The following PATL2 variants were observed in gnomAD, a reference collection of about 807,000 sequenced individuals.
PATL2 encodes protein PAT1 homolog 2.
In PATL2, 73 loss-of-function variants were observed where a neutral mutation model predicts 77.0. The ratio of observed to expected loss-of-function variants is 0.95; its 90% CI spans 0.78 to 1.15. The LOEUF (loss-of-function observed/expected upper bound fraction) is 1.15, where lower values mean the gene tolerates loss of function less well. Ranked by LOEUF, PATL2 falls within the 50% of genes most tolerant of loss-of-function variation. The pLI is 0.00. For synonymous variants in PATL2, 265 were observed against 257.1 expected (o/e 1.03, Z -0.29); for missense variants, 618 against 655.4 (o/e 0.94, Z 0.62).
chr15:44,702,164 T>TA (rs1375767435), intron 3 of PATL2, among the ~76,000 whole-genome samples: 1 of 152,148 alleles, frequency 6.6e-6, no homozygotes, highest in Non-Finnish European at 1.5e-5. Context: ...TTTCATTTGT[T>TA]ACTTGTTATT....
rs1230786607 is a variant in PATL2 at position 44,666,851 on chromosome 15, C to CA, written c.1463+254dup. 7 of 513,464 alleles carry CA rather than the reference C, an allele frequency of 1.4e-5. No individual in the cohort carries two copies. In the East Asian group the frequency reaches 2.3e-4, roughly 17 times the overall value. 31.8% of individuals were successfully genotyped at this position (513,464 alleles called of 1,614,324 possible). A position where few individuals can be genotyped will look rare whatever the true frequency, so the allele number is the denominator to read the frequency against. On this transcript the variant is annotated intron_variant, in intron 16 of 17. Coordinates refer to ENST00000682850, the MANE Select transcript of PATL2 (RefSeq NM_001387263.1). ...AAAGTTATATTGCTAGTAAGTGATA[C>CA]AGCCAGAATTCAAACGTAGGTCTTT...
intron 3 of PATL2, among the ~76,000 whole-genome samples, chr15:44,679,456 GACCTCAGCTAATCCACTT>G (rs2086078805): frequency 1.3e-5 from 2 of 151,616 alleles, no homozygotes; most frequent in Non-Finnish European, 1.5e-5. Context: ...TTGAACTCCT[GACCTCAGCTAATCCACTT>G]ACCTCGGCCT....
chr15:44,697,940 T>C (rs1432294672), intron 3 of PATL2, among the ~76,000 whole-genome samples: 1 of 152,094 alleles, frequency 6.6e-6, no homozygotes, highest in African/African-American at 2.4e-5. Flanking sequence ...GCTCTTGCTA[T>C]GTTGCCCAGG....
intron 3 of PATL2, among the ~76,000 whole-genome samples, chr15:44,695,446 C>T (rs934933845): frequency 6.6e-6 from 1 of 152,074 alleles, no homozygotes; most frequent in African/African-American, 2.4e-5. Flanking sequence ...ATGGCGCTGG[C>T]CAAGGGGAAA....
In PATL2 at chr15:44,701,746, T is replaced by C. The variant is rs150443024; in HGVS notation, c.-76+8350A>G. Reference sequence around the variant, plus strand: ...GAGAAATACCTGAGTCTGGGAAATTTACAAAGAAAAGAGTTTTAATTGGCT... The same window carrying C: ...GAGAAATACCTGAGTCTGGGAAATTCACAAAGAAAAGAGTTTTAATTGGCT... On this transcript the variant is annotated intron_variant, in intron 3 of 17. Transcript: ENST00000682850. Among the ~76,000 whole-genome samples the C allele has an allele frequency of 2.8e-3, 417 of 150,660 alleles. 2 individuals are homozygous for C. The highest frequency in any genetic ancestry group is 4.8e-3 in the Non-Finnish European group (325 of 67,544).
intron 3 of PATL2, among the ~76,000 whole-genome samples, chr15:44,677,642 C>A (rs2086017126): frequency 6.6e-6 from 1 of 152,144 alleles, no homozygotes; most frequent in African/African-American, 2.4e-5. Flanking sequence ...ACCCACATGA[C>A]TTTGTAGAAC....
rs1266165832 is a variant in PATL2, at chr15:44,672,075, T to C, written c.597A>G (p.Ile199Met). 1 of 1,551,694 alleles carries C rather than the reference T, an allele frequency of 6.4e-7. No individual in the cohort carries two copies. The highest frequency in any genetic ancestry group is 2.0e-5 in the Admixed American group (1 of 50,992). The change falls in exon 9 of 18, where the codon ATA becomes ATG. Residue 199 changes from isoleucine (I) to methionine (M), a missense_variant. Physicochemically the swap from Ile to Met is conservative, Grantham distance 10. Transcript: ENST00000682850. ...LMTRKEKDWVIKVQMVQLQSA... is the reference protein window; with the variant it reads ...LMTRKEKDWVMKVQMVQLQSA... ...TCTGCAGCTGCACCATCTGCACTTT[T>C]ATCACCCAGTCCTTCTCTTTTCTGG... is the stretch of plus-strand genomic sequence containing the variant.
At chr15:44,680,744 A>G (rs2086116318) in intron 3 of PATL2, among the ~76,000 whole-genome samples, 1 of 152,150 alleles carries the variant, frequency 6.6e-6, no homozygotes, top group Non-Finnish European at 1.5e-5. Flanking sequence ...ATTTCCTCAC[A>G]TCATTCCTTC....
chr15:44,675,242 G>T, intron 5 of PATL2: 1 of 494,166 alleles, frequency 2.0e-6, no homozygotes, highest in Non-Finnish European at 3.5e-6. Flanking sequence ...GCCACCGCCT[G>T]TGGGCGATGC....
At chr15:44,672,932 G>T (rs553391569) in intron 7 of PATL2, among the ~76,000 whole-genome samples, 6 of 152,016 alleles carry the variant, frequency 3.9e-5, no homozygotes, top group African/African-American at 1.4e-4. Flanking sequence ...GCTAATTTTT[G>T]TATATTTAGT....
rs988257269 is a variant in PATL2 at position 44,673,472 on chromosome 15, C to T, written c.304-95G>A. The T allele has an allele frequency of 1.5e-4, 216 of 1,450,394 alleles. 1 individual carries two copies. The highest frequency in any genetic ancestry group is 3.5e-4 in the Middle Eastern group (2 of 5,682). The allele number at this position is 1,450,394 out of a possible 1,614,324, so 89.8% of individuals were successfully genotyped here. A position where few individuals can be genotyped will look rare whatever the true frequency, so the allele number is the denominator to read the frequency against. On this transcript the variant is annotated intron_variant, in intron 6 of 17. Coordinates refer to ENST00000682850, the MANE Select transcript of PATL2 (RefSeq NM_001387263.1). ...GCTCAGTTCCTTTCCTACCTTTTCC[C>T]CTCAAGAACTTCACCCAACATTGTG...
intron 3 of PATL2, among the ~76,000 whole-genome samples, chr15:44,694,727 T>C (rs939202102): frequency 1.3e-5 from 2 of 152,122 alleles, no homozygotes; most frequent in Non-Finnish European, 2.9e-5. Flanking sequence ...CAAGTGATGA[T>C]CTGCAACTTG....
chr15:44,666,068 AG>A (rs2085352770), intron 17 of PATL2, 97 bp from the exon 18 acceptor site: 1 of 1,153,118 alleles, frequency 8.7e-7, no homozygotes, highest in African/African-American at 1.6e-5. Flanking sequence ...AGTAATTCTG[AG>A]GACAGAGATG....
chr15:44,672,761 A>C (rs1351892990), intron 7 of PATL2, among the ~76,000 whole-genome samples: 1 of 151,944 alleles, frequency 6.6e-6, no homozygotes, highest in Non-Finnish European at 1.5e-5. Flanking sequence ...TTGCAAATAA[A>C]TTTTTATTTT....
chr15:44,711,369 C>G, upstream of PATL2: 1 of 734,130 alleles, frequency 1.4e-6, no homozygotes, highest in Non-Finnish European at 2.4e-6. Context: ...TCACGAGACT[C>G]TAAGAAAAGG....
rs1474242202 is a variant in PATL2, at chr15:44,672,345, G to C, written c.515+43C>G. On this transcript the variant is annotated intron_variant, in intron 8 of 17. Transcript: ENST00000682850. ...CTGGTCACAAGGGGAGACCCGGCAT[G>C]CAAATGGGCTCCCCTCAACCCTGCT... 1.1e-5 allele frequency: 17 copies of C among 1,539,890 alleles called. 1 individual carries two copies. In the Middle Eastern group the frequency reaches 2.4e-3, roughly 214 times the overall value.
Position 44,671,938 on chromosome 15 carries a change from G to A in PATL2, c.657+77C>T, listed in dbSNP as rs1048342544. On this transcript the variant is annotated intron_variant, in intron 9 of 17. Coordinates refer to ENST00000682850, the MANE Select transcript of PATL2 (RefSeq NM_001387263.1). ...AGACATGACCTCTATGAGCCGAAGA[G>A]AGGATCAGAGCGGGCCCGGGAGTCC... The A allele has an allele frequency of 5.3e-6, 8 of 1,501,396 alleles. No individual in the cohort carries two copies. In the African/African-American group the frequency reaches 1.1e-4, roughly 21 times the overall value. The allele number at this position is 1,501,396 out of a possible 1,614,324, so 93.0% of individuals were successfully genotyped here. A position where few individuals can be genotyped will look rare whatever the true frequency, so the allele number is the denominator to read the frequency against.
Position 44,674,225 on chromosome 15 carries a change from A to G in PATL2, c.228T>C (p.Ala76=). 2 of 1,546,648 alleles carry G rather than the reference A, an allele frequency of 1.3e-6. No individual in the cohort carries two copies. Among genetic ancestry groups the G allele is most frequent in the Non-Finnish European group, 1.8e-6 (2 of 1,142,570 alleles). ...CCTTGACTCCAGGGGAGCTAAGCAG[A>G]GCTCTCTGGAACAGGAGGGAGGAAA... ...VLGAVHNTQR[A]LLSSPGVKAP... is the part of the protein sequence containing the mutation. The change falls in exon 6 of 18, where the codon GCT becomes GCC. Residue 76 remains alanine, a synonymous_variant. Coordinates refer to ENST00000682850, the MANE Select transcript of PATL2 (RefSeq NM_001387263.1).
At chr15:44,710,258 C>T (rs761067784) in intron 2 of PATL2, among the ~76,000 whole-genome samples, 44 bp from the exon 3 acceptor site, 1 of 152,174 alleles carries the variant, frequency 6.6e-6, no homozygotes, top group Non-Finnish European at 1.5e-5. Flanking sequence ...TGTTGTGCTC[C>T]TTGGGGAAGC....
Sources: gnomAD v4.1 joint callset for allele counts (sites outside exome capture counted in the v4.1 genomes callset) on GRCh38, gnomAD v4.1.1 for gene constraint, MANE v1.5 for transcripts, NCBI Gene and HGNC (gene_info 2026-07-23, HGNC 2026-07-21) for gene names.